The following USP47 variants were observed in gnomAD, a reference collection of about 807,000 sequenced individuals.
The protein encoded by USP47 is ubiquitin specific peptidase 47.
USP47 carries 35 observed loss-of-function variants against 165.1 expected under a neutral mutation model. That is an observed-to-expected ratio of 0.21 (90% CI 0.16 to 0.28). The LOEUF is 0.28. Among genes scored for constraint, USP47 ranks in the 10% least tolerant of loss-of-function variants. The pLI, the probability that USP47 is intolerant of heterozygous loss-of-function variation, is 1.00. For missense variants in USP47, 1,277 were observed against 1,607.4 expected, an observed-to-expected ratio of 0.79 and a Z score of 3.52; for synonymous variants, 531 against 544.5, an observed-to-expected ratio of 0.98 and a Z score of 0.35.
At chr11:11,950,112 T>C (rs1368824063) in intron 23 of USP47, 108 bp downstream of exon 23, 2 of 863,670 alleles carry the variant, frequency 2.3e-6, no homozygotes, top group Non-Finnish European at 1.7e-6. Flanking sequence ...TCCTGTGCTA[T>C]TCAGAATTTT....
intron 3 of USP47, among the ~76,000 whole-genome samples, chr11:11,887,415 C>G (rs1258038400): frequency 2.0e-5 from 3 of 152,140 alleles, no homozygotes; most frequent in Middle Eastern, 3.4e-3. Flanking sequence ...CAGAAAAAAG[C>G]AGGAGTCGCA....
At chr11:11,848,011 T>G (rs1848520114) in intron 1 of USP47, among the ~76,000 whole-genome samples, 1 of 152,252 alleles carries the variant, frequency 6.6e-6, no homozygotes, top group South Asian at 2.1e-4. Context: ...TTAAAGATGC[T>G]AAGTAACTTG....
chr11:11,940,072 T>C (rs1216054067), intron 18 of USP47, among the ~76,000 whole-genome samples: 2 of 152,042 alleles, frequency 1.3e-5, no homozygotes, highest in Admixed American at 1.3e-4. Context: ...GCCAAGAAGT[T>C]CAACATTTTG....
At chr11:11,848,482 A>T (rs750812865) in intron 1 of USP47, among the ~76,000 whole-genome samples, 1 of 152,148 alleles carries the variant, frequency 6.6e-6, no homozygotes, top group African/African-American at 2.4e-5. Flanking sequence ...AAATGTCTTT[A>T]TATGGCACAT....
At chr11:11,925,131 G>T (rs1219652302) in intron 11 of USP47, among the ~76,000 whole-genome samples, 1 of 149,194 alleles carries the variant, frequency 6.7e-6, no homozygotes, top group African/African-American at 2.5e-5. Flanking sequence ...TTTTTGAGAC[G>T]GAGTCTCGCT....
rs1376624710 is a variant in USP47, at chr11:11,954,873, CAAAT to C, written c.3715-20_3715-17del. 5 of 1,607,504 alleles carry C rather than the reference CAAAT, an allele frequency of 3.1e-6. No individual in the cohort carries two copies. Among genetic ancestry groups the C allele is most frequent in the Non-Finnish European group, 4.2e-6 (5 of 1,177,394 alleles). ...AGCAAGTTAATTTTTTAAATGAACT[CAAAT>C]AAAATGTTTTATTTTACAGCTTAGT... On this transcript the variant is annotated intron_variant, in intron 25 of 27. Coordinates refer to ENST00000527733, the MANE Select transcript of USP47 (RefSeq NM_001282659.2).
chr11:11,928,533 T>C (rs1024453988), intron 11 of USP47, among the ~76,000 whole-genome samples: 1 of 152,110 alleles, frequency 6.6e-6, no homozygotes, highest in East Asian at 1.9e-4. Context: ...GAAACCCTAG[T>C]ACTTGTAGAA....
chr11:11,888,349 A>C (rs1247447764), intron 3 of USP47, among the ~76,000 whole-genome samples: 1 of 152,170 alleles, frequency 6.6e-6, no homozygotes, highest in Non-Finnish European at 1.5e-5. Context: ...GAAGAATCAA[A>C]TAAACACAAT....
intron 24 of USP47, 133 bp from the exon 25 acceptor site, chr11:11,952,608 G>T (rs900423506): frequency 3.2e-4 from 333 of 1,050,714 alleles, no homozygotes; most frequent in Non-Finnish European, 4.0e-4. Flanking sequence ...GGATAATTGG[G>T]TTTTTTCTTG....
chr11:11,892,175 C>T, intron 4 of USP47, 69 bp downstream of exon 4: 1 of 1,488,988 alleles, frequency 6.7e-7, no homozygotes, highest in Non-Finnish European at 9.0e-7. Flanking sequence ...GATTTGAAGC[C>T]TAATCCTCTT....
rs768597641 is a variant in USP47 at position 11,884,523 on chromosome 11, AAAG to A, written c.306_308del (p.Lys102del). On this transcript the variant is annotated inframe_deletion, in exon 3 of 28. Transcript: ENST00000527733. ...TTCTCGACGCTAATTTTGAGCCAGG[AAAG>A]AAGAACTTTCTGCATTTGACAGATA... The A allele has an allele frequency of 1.2e-6, 2 of 1,612,272 alleles. No homozygotes were observed. The highest frequency in any genetic ancestry group is 2.7e-5 in the African/African-American group (2 of 74,892).
At chr11:11,866,691 A>C (rs1360119631) in intron 1 of USP47, among the ~76,000 whole-genome samples, 1 of 152,098 alleles carries the variant, frequency 6.6e-6, no homozygotes, top group Non-Finnish European at 1.5e-5. Context: ...TGGTGACAGA[A>C]ATCTCTGTTT....
chr11:11,858,468 C>T (rs2134178802), intron 1 of USP47, among the ~76,000 whole-genome samples: 1 of 152,238 alleles, frequency 6.6e-6, no homozygotes, highest in Non-Finnish European at 1.5e-5. Context: ...AGTTGTACAA[C>T]CACTACCATA....
chr11:11,925,116 T>G (rs933945143), intron 11 of USP47, among the ~76,000 whole-genome samples: 1 of 151,778 alleles, frequency 6.6e-6, no homozygotes, highest in African/African-American at 2.4e-5. Context: ...TTTTTGGTTT[T>G]TTTTTTTTTG....
At chr11:11,906,467 C>G (rs1852570863) in intron 8 of USP47, among the ~76,000 whole-genome samples, 1 of 152,130 alleles carries the variant, frequency 6.6e-6, no homozygotes, top group Non-Finnish European at 1.5e-5. Flanking sequence ...GTTTAGTCCT[C>G]TGGCCTCTAG....
chr11:11,891,207 G>T (rs951863619), intron 3 of USP47, among the ~76,000 whole-genome samples: 1 of 152,122 alleles, frequency 6.6e-6, no homozygotes, highest in Admixed American at 6.6e-5. Flanking sequence ...AGAAAACCTG[G>T]TCTGATTTAC....
chr11:11,872,335 C>CT (rs1489902881), intron 1 of USP47, among the ~76,000 whole-genome samples: 1 of 152,140 alleles, frequency 6.6e-6, no homozygotes, highest in Non-Finnish European at 1.5e-5. Context: ...GTTATTACAC[C>CT]TTTTCTAACC....
intron 4 of USP47, among the ~76,000 whole-genome samples, chr11:11,894,657 A>G (rs1225765743): frequency 6.6e-6 from 1 of 152,186 alleles, no homozygotes; most frequent in East Asian, 1.9e-4. Flanking sequence ...GTCTTCTGAC[A>G]ATTGATTCAG....
Position 11,940,541 on chromosome 11 carries a change from G to T in USP47, c.2306G>T (p.Ser769Ile), listed in dbSNP as rs1222537188. ...KTLKAEGFFR[S>I]NKVFVESSET... ...CTGAAAGCTGAAGGATTTTTTAGAA[G>T]TAACAAGGTATGTCATTTACTTTTT... The change falls in exon 19 of 28, where the codon AGT (serine) becomes ATT (isoleucine). Residue 769 changes from serine to isoleucine, a missense_variant. Physicochemically the swap from Ser to Ile is moderately radical, Grantham distance 142 (BLOSUM62 -2). Coordinates refer to ENST00000527733, the MANE Select transcript of USP47 (RefSeq NM_001282659.2). 2.5e-6 allele frequency: 4 copies of T among 1,610,862 alleles called. No homozygotes were observed. The highest frequency in any genetic ancestry group is 3.4e-6 in the Non-Finnish European group (4 of 1,178,116).
Sources: gnomAD v4.1 joint callset for allele counts (sites outside exome capture counted in the v4.1 genomes callset) on GRCh38, gnomAD v4.1.1 for gene constraint, MANE v1.5 for transcripts, NCBI Gene and HGNC (gene_info 2026-07-23, HGNC 2026-07-21) for gene names.